The following MGST2 variants were observed in gnomAD, a reference collection of about 807,000 sequenced individuals.
MGST2 encodes the protein glutathione peroxidase MGST2.
Under a neutral mutation model 16.6 loss-of-function variants are expected in MGST2, and 9 were observed. The ratio of observed to expected loss-of-function variants is 0.54; its 90% CI spans 0.33 to 0.95. MGST2 has a LOEUF of 0.95. Ranked by LOEUF, MGST2 falls within the 40% of genes least tolerant of loss-of-function variation. The pLI is 0.03. For synonymous variants in MGST2, 79 were observed against 68.0 expected (o/e 1.16, Z -0.79); for missense variants, 159 against 175.1 (o/e 0.91, Z 0.52).
intron 5 of MGST2, chr4:139,719,994 C>G: frequency 3.1e-6 from 5 of 1,614,072 alleles, no homozygotes; most frequent in Non-Finnish European, 4.2e-6. Flanking sequence ...ATGCTCTGAC[C>G]AAAGCCACTC....
At chr4:139,740,351 T>G (rs1294199054) in exon 6 of MGST2, 1 of 152,228 alleles carries the variant, frequency 6.6e-6, no homozygotes. Context: ...CTGGGAAACC[T>G]GCACCACTGA....
At chr4:139,689,193 A>G (rs1056685119) in intron 2 of MGST2, among the ~76,000 whole-genome samples, 10 of 151,720 alleles carry the variant, frequency 6.6e-5, no homozygotes, top group African/African-American at 2.4e-4. Flanking sequence ...TGTCCTTACC[A>G]ATACCAAGCA....
At chr4:139,737,859 GAT>G (rs1379926506) in intron 5 of MGST2, among the ~76,000 whole-genome samples, 1 of 152,234 alleles carries the variant, frequency 6.6e-6, no homozygotes, top group Non-Finnish European at 1.5e-5. Flanking sequence ...TGTCTCAGCA[GAT>G]TATTGAAGAA....
At chr4:139,739,550 T>C (rs1033095314) in intron 5 of MGST2, among the ~76,000 whole-genome samples, 1 of 152,110 alleles carries the variant, frequency 6.6e-6, no homozygotes, top group Non-Finnish European at 1.5e-5. Flanking sequence ...AGAAGCTTGA[T>C]TAAATAAATT....
chr4:139,681,336 T>A (rs1731230608), intron 2 of MGST2, among the ~76,000 whole-genome samples: 1 of 152,158 alleles, frequency 6.6e-6, no homozygotes, highest in Non-Finnish European at 1.5e-5. Context: ...TTTTTAATAT[T>A]ATTTCTTCCC....
rs948210980 is a variant in MGST2, at chr4:139,735,317, C to T, written c.*49-4895C>T. Among the ~76,000 whole-genome samples, 4 of 152,194 alleles carry T rather than the reference C, an allele frequency of 2.6e-5. No homozygotes were observed. Among genetic ancestry groups the T allele is most frequent in the South Asian group, 2.1e-4 (1 of 4,832 alleles). The stretch of plus-strand genomic sequence containing the variant: ...CCGTGTATCTCTGGGGTTATCTGCC[C>T]CCCTCCTCCGACTGACACTGAACTG... On this transcript the variant is annotated intron_variant, in intron 5 of 5. Coordinates refer to the MGST2 transcript ENST00000616265. This position sits in a 1 kb window ranked among gnomAD's most constrained non-coding sequence, Gnocchi z 5.8.
the MGST2 span, among the ~76,000 whole-genome samples, chr4:139,747,459 C>T: frequency 3.9e-5 from 6 of 151,948 alleles, no homozygotes; most frequent in Non-Finnish European, 7.4e-5. Context: ...TTTGGGAGGC[C>T]GAGGCAGGTG....
At chr4:139,723,540 G>A (rs566609737) in intron 5 of MGST2, among the ~76,000 whole-genome samples, 49 of 152,240 alleles carry the variant, frequency 3.2e-4, no homozygotes, top group African/African-American at 1.1e-3. Context: ...TCGAACTCCC[G>A]ACCTCAGGTG....
Position 139,698,309 on chromosome 4 carries a change from A to G in MGST2, c.229+3042A>G, listed in dbSNP as rs1276491778. The G allele has an allele frequency of 2.8e-6, 4 of 1,452,494 alleles. No individual in the cohort carries two copies. The East Asian group carries it at 9.2e-5, about 33-fold the overall frequency. The allele number at this position is 1,452,494 out of a possible 1,614,324, so 90.0% of individuals were successfully genotyped here. A position where few individuals can be genotyped will look rare whatever the true frequency, so the allele number is the denominator to read the frequency against. The stretch of plus-strand genomic sequence containing the variant: ...CGATAGCTGCGCTCTGGAAGCGCAG[A>G]TCTGTTTTAAAGTCCTGAGCAATTT... On this transcript the variant is annotated intron_variant, in intron 3 of 4. Transcript: ENST00000265498.
downstream of MGST2, among the ~76,000 whole-genome samples, chr4:139,743,332 G>A (rs1729222763): frequency 6.6e-6 from 1 of 152,236 alleles, no homozygotes; most frequent in Non-Finnish European, 1.5e-5. Context: ...CTCAACCTGA[G>A]AAAGCTTCCC....
At chr4:139,723,103 A>C (rs1342142802) in intron 5 of MGST2, among the ~76,000 whole-genome samples, 1 of 152,264 alleles carries the variant, frequency 6.6e-6, no homozygotes, top group African/African-American at 2.4e-5. Flanking sequence ...GGATGATATC[A>C]TATCTATATG....
the MGST2 span, among the ~76,000 whole-genome samples, chr4:139,751,833 C>T: frequency 9.9e-5 from 15 of 152,280 alleles, no homozygotes; most frequent in Middle Eastern, 3.4e-3. Flanking sequence ...ACCTCTAATC[C>T]GCAAAGTATC....
intron 5 of MGST2, among the ~76,000 whole-genome samples, chr4:139,713,796 G>A (rs2110932766): frequency 6.6e-6 from 1 of 152,324 alleles, no homozygotes; most frequent in Middle Eastern, 3.4e-3. Flanking sequence ...GAAGAGAATA[G>A]ACAAGGTCAT....
At chr4:139,703,916 GT>G in intron 4 of MGST2, 99 bp from the exon 5 acceptor site, 1 of 1,487,230 alleles carries the variant, frequency 6.7e-7, no homozygotes. Flanking sequence ...AAATATAGAA[GT>G]TCTGGACAGT....
At chr4:139,668,757 T>C (rs1229543199) in intron 1 of MGST2, among the ~76,000 whole-genome samples, 1 of 152,076 alleles carries the variant, frequency 6.6e-6, no homozygotes, top group African/African-American at 2.4e-5. Context: ...TGTACAGGTA[T>C]GGGCAGGAGG....
At position 139,720,308 on chromosome 4, in the gene MGST2, A is replaced by G. The variant is rs201956759; in HGVS notation, c.*48+16112A>G. ...GGCTGCTTGGCTTCTTACGGCTGCTATATCCTGGGGAGAACCTGCAGTGAA... is the reference window on the plus strand; with the variant it reads ...GGCTGCTTGGCTTCTTACGGCTGCTGTATCCTGGGGAGAACCTGCAGTGAA... On this transcript the variant is annotated intron_variant, in intron 5 of 5. Coordinates refer to the MGST2 transcript ENST00000616265. 5.0e-4 allele frequency: 766 copies of G among 1,546,200 alleles called. 4 individuals are homozygous for G. Among genetic ancestry groups the G allele is most frequent in the Non-Finnish European group, 3.4e-5 (39 of 1,144,696 alleles).
chr4:139,673,243 C>A (rs1560735665), intron 1 of MGST2, among the ~76,000 whole-genome samples: 1 of 152,254 alleles, frequency 6.6e-6, no homozygotes. Context: ...TGTAACCCAA[C>A]TGAACGTGGG....
At chr4:139,753,360 C>CTA in the MGST2 span, among the ~76,000 whole-genome samples, 2 of 151,744 alleles carry the variant, frequency 1.3e-5, no homozygotes, top group African/African-American at 4.8e-5. Flanking sequence ...ATCTATCTAT[C>CTA]TATCTATCTA....
At chr4:139,675,721 C>G (rs1730924936) in intron 1 of MGST2, among the ~76,000 whole-genome samples, 1 of 152,134 alleles carries the variant, frequency 6.6e-6, no homozygotes, top group African/African-American at 2.4e-5. Flanking sequence ...ACTGAGCGCG[C>G]CGGGGAGGAT....
Sources: gnomAD v4.1 joint callset for allele counts (sites outside exome capture counted in the v4.1 genomes callset) on GRCh38, gnomAD v4.1.1 for gene constraint, Gnocchi (gnomAD v3.1) non-coding constraint, MANE v1.5 for transcripts, NCBI Gene and HGNC (gene_info 2026-07-23, HGNC 2026-07-21) for gene names.